BLOC1S5: variants seen among roughly 807,000 people sequenced by gnomAD.
The protein encoded by BLOC1S5 is biogenesis of lysosome-related organelles complex 1 subunit 5.
BLOC1S5 carries 27 observed loss-of-function variants against 24.3 expected under a neutral mutation model. The ratio of observed to expected loss-of-function variants is 1.11; its 90% CI spans 0.82 to 1.53. BLOC1S5 has a LOEUF of 1.53. Ranked by LOEUF, BLOC1S5 falls within the 40% of genes most tolerant of loss-of-function variation. The pLI, the probability that BLOC1S5 is intolerant of heterozygous loss-of-function variation, is 0.00. For synonymous variants in BLOC1S5, 84 were observed against 74.5 expected (o/e 1.13, Z -0.66); for missense variants, 239 against 229.4 (o/e 1.04, Z -0.27).
At chr6:8,038,398 G>GA (rs1360450239) in intron 3 of BLOC1S5, among the ~76,000 whole-genome samples, 3 of 149,904 alleles carry the variant, frequency 2.0e-5, no homozygotes, top group African/African-American at 7.3e-5. Context: ...ACAGGAATAT[G>GA]AAAAAAGTGC....
At chr6:8,035,543 A>G (rs577768592) in intron 3 of BLOC1S5, among the ~76,000 whole-genome samples, 158 of 152,268 alleles carry the variant, frequency 1.0e-3, no homozygotes, top group African/African-American at 3.0e-3. Context: ...CAACCAGAAA[A>G]AGATATTCCA....
chr6:8,048,179 G>C (rs1763969890), intron 2 of BLOC1S5, among the ~76,000 whole-genome samples: 1 of 152,210 alleles, frequency 6.6e-6, no homozygotes, highest in Non-Finnish European at 1.5e-5. Context: ...TGTCCAGTGG[G>C]AGCCTATTCA....
At chr6:8,041,312 C>CTAT in intron 2 of BLOC1S5, 44 bp from the exon 3 acceptor site, 6 of 1,079,764 alleles carry the variant, frequency 5.6e-6, no homozygotes, top group Non-Finnish European at 5.9e-6. Context: ...GTGTCTTTTC[C>CTAT]TTTTTTTTTT....
intron 3 of BLOC1S5, among the ~76,000 whole-genome samples, chr6:8,032,642 G>T (rs1324382133): frequency 1.3e-5 from 2 of 152,174 alleles, no homozygotes; most frequent in African/African-American, 2.4e-5. Context: ...TCAGGCACGA[G>T]AAAGAAATAA....
chr6:8,052,401 A>G (rs115529617), intron 2 of BLOC1S5, among the ~76,000 whole-genome samples: 3,591 of 152,274 alleles, frequency 0.024, 143 homozygotes, highest in African/African-American at 0.08. Context: ...TAAATTGAAG[A>G]CCTTCTGGAA....
intron 2 of BLOC1S5, among the ~76,000 whole-genome samples, chr6:8,051,117 G>A (rs1026881643): frequency 1.8e-4 from 28 of 151,962 alleles, no homozygotes; most frequent in Non-Finnish European, 3.7e-4. Flanking sequence ...GAACCTGGGA[G>A]GTGGAGGCTG....
intron 4 of BLOC1S5, among the ~76,000 whole-genome samples, chr6:8,023,515 G>A (rs995669595): frequency 1.3e-5 from 2 of 152,052 alleles, no homozygotes; most frequent in Non-Finnish European, 1.5e-5. Flanking sequence ...ACTTGAACCC[G>A]GGAGGCAGAG....
At chr6:8,045,216 T>C (rs924238859) in intron 2 of BLOC1S5, among the ~76,000 whole-genome samples, 6 of 152,232 alleles carry the variant, frequency 3.9e-5, no homozygotes, top group Non-Finnish European at 7.3e-5. Context: ...GGCTGTGAAT[T>C]CAGAGGGTGG....
chr6:8,022,930 C>T (rs1762975794), intron 4 of BLOC1S5, among the ~76,000 whole-genome samples: 2 of 152,276 alleles, frequency 1.3e-5, no homozygotes, highest in South Asian at 2.1e-4. Context: ...ACTTGTTGCT[C>T]TCATGAAAGT....
intron 2 of BLOC1S5, among the ~76,000 whole-genome samples, chr6:8,055,393 C>T (rs1007647977): frequency 2.0e-5 from 3 of 152,180 alleles, no homozygotes; most frequent in Admixed American, 2.0e-4. Flanking sequence ...CGAGATTGTA[C>T]CACTGCATTC....
chr6:8,047,160 T>TCTCTCACACACACACA (rs1475934039), intron 2 of BLOC1S5, among the ~76,000 whole-genome samples: 4 of 126,922 alleles, frequency 3.2e-5, no homozygotes, highest in African/African-American at 1.3e-4. Flanking sequence ...TCTCTCTCTC[T>TCTCTCACACACACACA]CACACACACA....
intron 3 of BLOC1S5, among the ~76,000 whole-genome samples, chr6:8,029,621 A>C (rs1281082467): frequency 6.6e-6 from 1 of 152,202 alleles, no homozygotes; most frequent in Admixed American, 6.5e-5. Flanking sequence ...ACACCAAATC[A>C]AAGTGGCTAC....
rs538453137 is a variant in BLOC1S5 at position 8,029,136 on chromosome 6, G to A, written c.326-2711C>T. Among the ~76,000 whole-genome samples the A allele has an allele frequency of 9.9e-5, 15 of 152,172 alleles. No individual in the cohort carries two copies. In the South Asian group the frequency reaches 1.0e-3, roughly 11 times the overall value. ...AAGTAAACCTCAAATACACACGTAA[G>A]AAAATAATTTCACAACTTGCAGTTC... is the stretch of plus-strand genomic sequence containing the variant. On this transcript the variant is annotated intron_variant, in intron 3 of 4. Coordinates refer to ENST00000397457, the MANE Select transcript of BLOC1S5 (RefSeq NM_201280.3).
chr6:8,059,119 T>G (rs1300481873), intron 2 of BLOC1S5, among the ~76,000 whole-genome samples: 1 of 152,210 alleles, frequency 6.6e-6, no homozygotes, highest in Non-Finnish European at 1.5e-5. Flanking sequence ...GACAATGCCT[T>G]TACCCACTGA....
At chr6:8,061,473 C>T (rs1306237724) in intron 2 of BLOC1S5, among the ~76,000 whole-genome samples, 1 of 152,052 alleles carries the variant, frequency 6.6e-6, no homozygotes, top group Non-Finnish European at 1.5e-5. Flanking sequence ...TGGCTATGTA[C>T]CTAGTTAATT....
intron 1 of BLOC1S5, 22 bp downstream of exon 1, chr6:8,064,243 C>CTA: frequency 6.2e-7 from 1 of 1,600,170 alleles, no homozygotes; most frequent in South Asian, 1.1e-5. Flanking sequence ...CCACCAGGAA[C>CTA]TATAGCCCTG....
chr6:8,062,494 AT>A (rs780303443), intron 2 of BLOC1S5, 39 bp downstream of exon 2: 1 of 1,276,288 alleles, frequency 7.8e-7, no homozygotes, highest in African/African-American at 1.5e-5. Flanking sequence ...CACACTAACA[AT>A]TAGGGAAGTA....
At chr6:8,059,238 G>C (rs1764433127) in intron 2 of BLOC1S5, among the ~76,000 whole-genome samples, 1 of 152,184 alleles carries the variant, frequency 6.6e-6, no homozygotes, top group Non-Finnish European at 1.5e-5. Flanking sequence ...TTTGTATAAA[G>C]TCAGGAGACA....
intron 4 of BLOC1S5, among the ~76,000 whole-genome samples, chr6:8,022,543 A>C (rs1762947412): frequency 6.9e-6 from 1 of 144,746 alleles, no homozygotes; most frequent in South Asian, 2.3e-4. Context: ...ATATGTACCT[A>C]TATGTTACTC....
Sources: allele counts gnomAD v4.1 joint callset (sites outside exome capture counted in the v4.1 genomes callset), GRCh38; gene constraint gnomAD v4.1.1; transcripts MANE v1.5; gene names NCBI Gene and HGNC (gene_info 2026-07-23, HGNC 2026-07-21).